BRF1: variants seen among roughly 807,000 people sequenced by gnomAD.
BRF1 encodes transcription factor IIIB 90 kDa subunit.
A neutral mutation model predicts 81.7 loss-of-function variants in BRF1; 59 were observed. The observed-to-expected ratio is 0.72, with a 90% CI of 0.59 to 0.90. BRF1 has a LOEUF of 0.90. BRF1 is among the 40% of genes least tolerant of loss of function. The pLI is 0.00. For missense variants in BRF1, 1,050 were observed against 936.3 expected, an observed-to-expected ratio of 1.12 and a Z score of -1.58; for synonymous variants, 491 against 395.6, an observed-to-expected ratio of 1.24 and a Z score of -2.86.
At chr14:105,241,800 C>T (rs1425946340) in intron 5 of BRF1, 7 of 237,144 alleles carry the variant, frequency 3.0e-5, no homozygotes, top group South Asian at 6.1e-5. Context: ...GGGCTGGGTA[C>T]ACAAGTCGCC....
Position 105,209,412 on chromosome 14 carries a change from CTGCG to C in BRF1, c.*1135_*1138del. ...GGCGGGGGTAGGGGGGTCTGGCCTG[CTGCG>C]GGCCAAGTTGGGGCAGGACATACAG... On this transcript the variant is annotated 3_prime_UTR_variant, in exon 18 of 18. Coordinates refer to ENST00000547530, the MANE Select transcript of BRF1 (RefSeq NM_001519.4). 3 of 667,392 alleles carry C rather than the reference CTGCG, an allele frequency of 4.5e-6. No homozygotes were observed. The highest frequency in any genetic ancestry group is 5.5e-6 in the Non-Finnish European group (2 of 364,934). 41.3% of individuals were successfully genotyped at this position (667,392 alleles called of 1,614,324 possible).
chr14:105,251,167 T>C, intron 5 of BRF1: 1 of 160,534 alleles, frequency 6.2e-6, no homozygotes. Flanking sequence ...AACAGCTCCC[T>C]CCCATCCCGA....
intron 1 of BRF1, among the ~76,000 whole-genome samples, chr14:105,296,977 G>C (rs1308951231): frequency 1.3e-5 from 2 of 151,872 alleles, no homozygotes; most frequent in Non-Finnish European, 2.9e-5. Flanking sequence ...GGCCAACATG[G>C]TGAAACCCTG....
intron 2 of BRF1, among the ~76,000 whole-genome samples, chr14:105,283,443 T>G (rs762629474): frequency 1.3e-5 from 2 of 152,090 alleles, no homozygotes; most frequent in Non-Finnish European, 2.9e-5. Flanking sequence ...CCATCCCCAG[T>G]AAGACTCAAG....
At chr14:105,306,373 G>A (rs1471639056) in intron 1 of BRF1, among the ~76,000 whole-genome samples, 4 of 152,004 alleles carry the variant, frequency 2.6e-5, no homozygotes, top group Admixed American at 6.6e-5. Context: ...GCGCCATCTC[G>A]ACTCAGTGCA....
intron 5 of BRF1, chr14:105,249,299 C>G (rs1325082469): frequency 1.9e-6 from 3 of 1,580,570 alleles, no homozygotes; most frequent in Non-Finnish European, 2.6e-6. Flanking sequence ...CCCCGTCCGC[C>G]GTGTGGCTGA....
At chr14:105,278,514 CAA>C (rs1444476822) in intron 2 of BRF1, among the ~76,000 whole-genome samples, 2 of 151,952 alleles carry the variant, frequency 1.3e-5, no homozygotes, top group African/African-American at 2.4e-5. Flanking sequence ...GAGGAAAACA[CAA>C]GAGTATCTTC....
Position 105,250,102 on chromosome 14 carries a change from C to T in BRF1, c.544+2405G>A, listed in dbSNP as rs754243515. 16 of 1,612,934 alleles carry T rather than the reference C, an allele frequency of 9.9e-6. No individual in the cohort carries two copies. The Admixed American group carries it at 1.5e-4, about 15-fold the overall frequency. ...TGACCCTAGAGGAGTTTGCCAACGG[C>T]GCTGCCCAGTCAGACATCCTGACTC... is the stretch of plus-strand genomic sequence containing the variant. On this transcript the variant is annotated intron_variant, in intron 5 of 17. Coordinates refer to ENST00000547530, the MANE Select transcript of BRF1 (RefSeq NM_001519.4).
intron 1 of BRF1, among the ~76,000 whole-genome samples, chr14:105,298,680 C>A (rs1331056383): frequency 6.6e-6 from 1 of 151,132 alleles, no homozygotes; most frequent in East Asian, 1.9e-4. Flanking sequence ...CAGGGTGAAA[C>A]CCTGTCTCTA....
chr14:105,216,178 C>T (rs1226758763), intron 15 of BRF1, among the ~76,000 whole-genome samples: 2 of 152,216 alleles, frequency 1.3e-5, no homozygotes, highest in African/African-American at 4.8e-5. Context: ...CAGAGAGACA[C>T]ACATGCACAC....
At chr14:105,213,946 G>A (rs1187083604) in intron 15 of BRF1, among the ~76,000 whole-genome samples, 3 of 152,234 alleles carry the variant, frequency 2.0e-5, no homozygotes, top group Non-Finnish European at 4.4e-5. Flanking sequence ...GGGAGGGCCT[G>A]AGAGCGCCTG....
Position 105,217,602 on chromosome 14 carries a change from G to T in BRF1, c.1714C>A (p.Arg572=). 1.2e-6 allele frequency: 2 copies of T among 1,613,410 alleles called. No homozygotes were observed. Among genetic ancestry groups the T allele is most frequent in the Non-Finnish European group, 1.7e-6 (2 of 1,179,998 alleles). The change falls in exon 15 of 18, where the codon CGA becomes AGA. Residue 572 remains arginine (R), a synonymous_variant. Coordinates refer to ENST00000547530, the MANE Select transcript of BRF1 (RefSeq NM_001519.4). ...EHSASARKLS[R]RRTPASRSGA... The stretch of plus-strand genomic sequence containing the variant: ...CTTCTGCTGGCCGGCGTCCTCCTTC[G>T]TGACAGCTTCCTGGCACTGGCGCTA...
At chr14:105,224,630 A>G (rs1462215215) in intron 10 of BRF1, among the ~76,000 whole-genome samples, 1 of 152,164 alleles carries the variant, frequency 6.6e-6, no homozygotes, top group South Asian at 2.1e-4. Context: ...CTCACTGCAC[A>G]TCGAACTCCT....
At chr14:105,214,734 G>A (rs1890793913) in intron 15 of BRF1, among the ~76,000 whole-genome samples, 2 of 152,320 alleles carry the variant, frequency 1.3e-5, no homozygotes, top group South Asian at 4.1e-4. Context: ...GGCCACCCAA[G>A]GCAGCACAGC....
intron 2 of BRF1, among the ~76,000 whole-genome samples, chr14:105,275,717 C>A (rs1345624034): frequency 1.3e-5 from 2 of 152,268 alleles, no homozygotes; most frequent in African/African-American, 4.8e-5. Context: ...GCATGCAGGG[C>A]TGCTATGGTC....
Position 105,272,738 on chromosome 14 carries a change from C to A in BRF1, c.422G>T (p.Arg141Leu). The change falls in exon 3 of 18, where the codon CGT (arginine) becomes CTT (leucine). Residue 141 changes from arginine (R) to leucine (L), a missense_variant. Physicochemically the swap from Arg to Leu is moderately radical, Grantham distance 102. Transcript: ENST00000547530. ...AAGGATACGCGGCGTGCCCTCCGTA[C>A]GGCAGACCAGGTAGAGGCAGGCAGC... is the stretch of plus-strand genomic sequence containing the variant. Reference protein sequence around the residue: ...VIAACLYLVCRTEGTPHMLLD... With the variant: ...VIAACLYLVCLTEGTPHMLLD... 6.2e-7 allele frequency: 1 copy of A among 1,612,624 alleles called. No homozygotes were observed. The highest frequency in any genetic ancestry group is 8.5e-7 in the Non-Finnish European group (1 of 1,179,026).
rs764998019 is a variant in BRF1 at position 105,241,349 on chromosome 14, A to C, written c.610T>G (p.Ser204Ala). ...LEFGEKNHEVSMTALRLLQRM... is the reference protein window; with the variant it reads ...LEFGEKNHEVAMTALRLLQRM... ...TGTAGGAGCCTCAGGGCAGTCATGG[A>C]CACCTCGTGGTTCTTCTCCCCGAAT... Residue 204 changes from serine to alanine, a missense_variant, in exon 6 of 18, where the codon TCC (serine) becomes GCC (alanine). Ser to Ala is a moderately conservative substitution (Grantham distance 99). Around this residue, in one of 2 missense-constraint regions of BRF1, gnomAD observed 1,043 missense variants for 915.4 expected, o/e 1.14. Coordinates refer to ENST00000547530, the MANE Select transcript of BRF1 (RefSeq NM_001519.4). 1 of 1,612,764 alleles carries C rather than the reference A, an allele frequency of 6.2e-7. No individual in the cohort carries two copies. Among genetic ancestry groups the C allele is most frequent in the Admixed American group, 1.7e-5 (1 of 60,014 alleles).
At chr14:105,273,543 A>C (rs1319354961) in intron 2 of BRF1, among the ~76,000 whole-genome samples, 1 of 152,132 alleles carries the variant, frequency 6.6e-6, no homozygotes, top group East Asian at 1.9e-4. Context: ...CTCCATTTTG[A>C]CCTGTGCCCT....
intron 3 of BRF1, among the ~76,000 whole-genome samples, chr14:105,259,713 A>G (rs991181007): frequency 1.3e-5 from 2 of 152,194 alleles, no homozygotes; most frequent in Non-Finnish European, 2.9e-5. Flanking sequence ...GTTTGAGACC[A>G]GCCTGGCCTA....
Sources: gnomAD v4.1 joint callset for allele counts (sites outside exome capture counted in the v4.1 genomes callset) on GRCh38, gnomAD v4.1.1 for gene constraint, gnomAD v4.1.1 regional missense constraint, MANE v1.5 for transcripts, NCBI Gene and HGNC (gene_info 2026-07-23, HGNC 2026-07-21) for gene names.